ANK2: variants seen among roughly 807,000 people sequenced by gnomAD.
ANK2 encodes ankyrin 2.
In ANK2, 83 loss-of-function variants were observed where a neutral mutation model predicts 360.5. That is an observed-to-expected ratio of 0.23 (90% CI 0.19 to 0.28). ANK2 has a LOEUF of 0.28. Ranked by LOEUF, ANK2 falls within the 10% of genes least tolerant of loss-of-function variation. ANK2 has a pLI of 1.00. For synonymous variants in ANK2, 1,740 were observed against 1,759.5 expected, an observed-to-expected ratio of 0.99 and a Z score of 0.28; for missense variants, 4,201 against 4,795.7, an observed-to-expected ratio of 0.88 and a Z score of 3.66.
At chr4:113,023,090 C>T (rs2058520099) in intron 2 of ANK2, among the ~76,000 whole-genome samples, 1 of 151,906 alleles carries the variant, frequency 6.6e-6, no homozygotes, top group African/African-American at 2.4e-5. Flanking sequence ...ACGAATGTAA[C>T]AAACCTACAC....
At chr4:112,782,455 A>G in the ANK2 span, among the ~76,000 whole-genome samples, 1 of 152,224 alleles carries the variant, frequency 6.6e-6, no homozygotes, top group Non-Finnish European at 1.5e-5. Context: ...ATGGAATCAA[A>G]TAGTGCTTAC....
At chr4:113,380,002 C>A (rs1193775908) in intron 45 of ANK2, among the ~76,000 whole-genome samples, 4 of 151,898 alleles carry the variant, frequency 2.6e-5, no homozygotes, top group Admixed American at 2.6e-4. Context: ...TGGACTCAGG[C>A]TCTGGAATCT....
At chr4:113,073,912 T>C (rs2078831790) in intron 1 of ANK2, among the ~76,000 whole-genome samples, 1 of 152,210 alleles carries the variant, frequency 6.6e-6, no homozygotes, top group South Asian at 2.1e-4. Flanking sequence ...TGTTTGCTGC[T>C]GAAAATTCCA....
chr4:112,776,170 C>A, the ANK2 span, among the ~76,000 whole-genome samples: 1 of 152,176 alleles, frequency 6.6e-6, no homozygotes, highest in Non-Finnish European at 1.5e-5. Context: ...AACATCCTTT[C>A]CCTTCTACCC....
intron 2 of ANK2, among the ~76,000 whole-genome samples, chr4:112,968,923 G>T (rs1298305100): frequency 6.6e-6 from 1 of 152,110 alleles, no homozygotes; most frequent in Admixed American, 6.6e-5. Flanking sequence ...CTTGGCCTCA[G>T]ATTCATCCCC....
the ANK2 span, among the ~76,000 whole-genome samples, chr4:112,773,197 G>A: frequency 6.6e-6 from 1 of 152,056 alleles, no homozygotes; most frequent in Admixed American, 6.6e-5. Flanking sequence ...GATGCCTATA[G>A]TCCCAGCTAC....
At chr4:112,987,331 C>A (rs1454130657) in intron 2 of ANK2, among the ~76,000 whole-genome samples, 1 of 152,176 alleles carries the variant, frequency 6.6e-6, no homozygotes, top group East Asian at 1.9e-4. Context: ...GCCGTGCAGC[C>A]TGGTGATGTT....
intron 3 of ANK2, among the ~76,000 whole-genome samples, chr4:113,197,118 A>G (rs2098758909): frequency 6.6e-6 from 1 of 152,220 alleles, no homozygotes; most frequent in Non-Finnish European, 1.5e-5. Context: ...TCTCTATGGA[A>G]AAGAACAAGT....
intron 2 of ANK2, among the ~76,000 whole-genome samples, chr4:112,919,220 G>T (rs547034986): frequency 6.6e-6 from 1 of 152,226 alleles, no homozygotes; most frequent in African/African-American, 2.4e-5. Flanking sequence ...GTGAAGACTT[G>T]TAGCAGTTAT....
intron 1 of ANK2, among the ~76,000 whole-genome samples, chr4:113,129,400 T>C (rs1257126655): frequency 6.6e-6 from 1 of 152,226 alleles, no homozygotes; most frequent in East Asian, 1.9e-4. Flanking sequence ...ACAATTGCTT[T>C]GTATAACTTG....
chr4:113,047,924 G>A (rs902432464), upstream of ANK2, among the ~76,000 whole-genome samples: 1 of 151,972 alleles, frequency 6.6e-6, no homozygotes, highest in Admixed American at 6.6e-5. Context: ...TTGTTGCTCT[G>A]TCTGATGGAA....
the ANK2 span, among the ~76,000 whole-genome samples, chr4:112,741,818 AAAACAAACAAAC>A: frequency 6.6e-6 from 1 of 152,096 alleles, no homozygotes; most frequent in African/African-American, 2.4e-5. Flanking sequence ...CCGTTTCTTA[AAAACAAACAAAC>A]AAACAAACAA....
chr4:113,166,448 T>TAC (rs1171645146), intron 1 of ANK2, among the ~76,000 whole-genome samples: 1 of 151,506 alleles, frequency 6.6e-6, no homozygotes, highest in Non-Finnish European at 1.5e-5. Flanking sequence ...TATATATGTA[T>TAC]ATATATATAT....
intron 29 of ANK2, 142 bp downstream of exon 29, chr4:113,333,350 A>G: frequency 2.6e-6 from 3 of 1,136,312 alleles, no homozygotes; most frequent in Non-Finnish European, 3.8e-6. Context: ...GTATTTTACT[A>G]CAGCAGGTAA....
rs544735923 is a variant in ANK2, at chr4:113,356,361, G to T, written c.7743G>T (p.Arg2581Ser). ...ATTCAGAAAACGGGGAGAAAAAGAG[G>T]TTCACACCTGAAGAGGAGATGTTTA... Reference protein sequence around the residue: ...EDDSENGEKKRFTPEEEMFKM... With the variant: ...EDDSENGEKKSFTPEEEMFKM... The change falls in exon 38 of 46, where the codon AGG (arginine) becomes AGT (serine). Residue 2581 changes from arginine (R) to serine (S), a missense_variant. Physicochemically the swap from Arg to Ser is moderately radical, Grantham distance 110 (BLOSUM62 -1). Coordinates refer to ENST00000357077, the MANE Select transcript of ANK2 (RefSeq NM_001148.6). 8.1e-6 allele frequency: 13 copies of T among 1,613,992 alleles called. No homozygotes were observed. The highest frequency in any genetic ancestry group is 1.7e-5 in the Admixed American group (1 of 59,998).
intron 2 of ANK2, chr4:113,034,136 T>C (rs1014427547): frequency 6.6e-6 from 1 of 151,934 alleles, no homozygotes; most frequent in African/African-American, 2.4e-5. Context: ...AGGAATACCT[T>C]GAAGATGGTT....
the ANK2 span, among the ~76,000 whole-genome samples, chr4:112,771,023 A>G: frequency 6.6e-6 from 1 of 152,230 alleles, no homozygotes; most frequent in Non-Finnish European, 1.5e-5. Context: ...GGGCAGAAAA[A>G]AATCTCTTCC....
chr4:113,040,118 A>G lies in ANK2; in HGVS notation c.22-134298A>G, dbSNP rs1193777671. On this transcript the variant is annotated intron_variant, in intron 2 of 30. Transcript: ENST00000503271. ...AAACCCAATTATAACAGCTATTTTC[A>G]AGAACTAATATCACTAGAGACTGAA... is the stretch of plus-strand genomic sequence containing the variant. Among the ~76,000 whole-genome samples, 36 of 152,062 alleles carry G rather than the reference A, an allele frequency of 2.4e-4. 1 individual carries two copies. Among genetic ancestry groups the G allele is most frequent in the Admixed American group, 2.3e-3 (35 of 15,238 alleles).
the ANK2 span, among the ~76,000 whole-genome samples, chr4:112,752,701 G>GTT: frequency 3.9e-3 from 587 of 152,118 alleles, 4 homozygotes; most frequent in African/African-American, 0.013. Context: ...TTGTTTGAGA[G>GTT]TCTCTCTCAG....
Sources: gnomAD v4.1 joint callset for allele counts (sites outside exome capture counted in the v4.1 genomes callset) on GRCh38, gnomAD v4.1.1 for gene constraint, MANE v1.5 for transcripts, NCBI Gene and HGNC (gene_info 2026-07-23, HGNC 2026-07-21) for gene names.